Variants in EIF2A observed in about 807,000 individuals in gnomAD.
EIF2A encodes eukaryotic translation initiation factor 2A.
Under a neutral mutation model 75.2 loss-of-function variants are expected in EIF2A, and 62 were observed. The ratio of observed to expected loss-of-function variants is 0.82; its 90% CI spans 0.67 to 1.02. The LOEUF (loss-of-function observed/expected upper bound fraction) is 1.02, where lower values mean the gene tolerates loss of function less well. EIF2A is among the 50% of genes least tolerant of loss of function. The probability of loss-of-function intolerance (pLI) is 0.00; values close to 1 mark genes in which losing one functional copy is unlikely to be tolerated. For synonymous variants in EIF2A, 207 were observed against 239.0 expected, an observed-to-expected ratio of 0.87 and a Z score of 1.23; for missense variants, 611 against 677.7, an observed-to-expected ratio of 0.90 and a Z score of 1.09.
At position 150,572,477 on chromosome 3, in the gene EIF2A, C is replaced by T. The variant is rs779611856; in HGVS notation, c.1331C>T (p.Thr444Ile). The change falls in exon 10 of 14, where the codon ACA becomes ATA. Residue 444 changes from threonine (T) to isoleucine (I), a missense_variant. Physicochemically the swap from Thr to Ile is moderately conservative, Grantham distance 89 (BLOSUM62 -1). Coordinates refer to ENST00000460851, the MANE Select transcript of EIF2A (RefSeq NM_032025.5). ...CCCAATGAGGAACCTAAAGTTGCAACAGCTTATAGACCCCCAGCTTTAAGA... is the reference window on the plus strand; with the variant it reads ...CCCAATGAGGAACCTAAAGTTGCAATAGCTTATAGACCCCCAGCTTTAAGA... The part of the protein sequence containing the change: ...EVPNEEPKVA[T>I]AYRPPALRNK... 10 of 1,613,926 alleles carry T rather than the reference C, an allele frequency of 6.2e-6. No homozygotes were observed. The South Asian group carries it at 9.9e-5, about 16-fold the overall frequency.
rs781322944 is a variant in EIF2A, at chr3:150,572,291, G to A, written c.1145G>A (p.Arg382Gln). Residue 382 changes from arginine (R) to glutamine (Q), a missense_variant, in exon 10 of 14, where the codon CGG (arginine) becomes CAG (glutamine). By Grantham distance (43) the Arg-to-Gln change is conservative. Transcript: ENST00000460851. Reference sequence around the variant, plus strand: ...ACAGCTACATGTGCTCCCAGGTTACGGGTTAATAATGGATACAAAATTTGG... The same window carrying A: ...ACAGCTACATGTGCTCCCAGGTTACAGGTTAATAATGGATACAAAATTTGG... ...ILTATCAPRL[R>Q]VNNGYKIWHY... 1.2e-5 allele frequency: 20 copies of A among 1,613,698 alleles called. No individual in the cohort carries two copies. The highest frequency in any genetic ancestry group is 2.7e-5 in the African/African-American group (2 of 74,886).
rs535050609 is a variant in EIF2A, at chr3:150,548,125, C to T, written c.28+1295C>T. Among the ~76,000 whole-genome samples the T allele has an allele frequency of 8.6e-4, 131 of 152,162 alleles. 1 individual carries two copies. Among genetic ancestry groups the T allele is most frequent in the South Asian group, 2.3e-3 (11 of 4,830 alleles). ...AATTGCTCTTGAGACTCATTTATTT[C>T]CTTGCCATCCCATCTTATTTGGTGC... On this transcript the variant is annotated intron_variant, in intron 1 of 13. Coordinates refer to ENST00000460851, the MANE Select transcript of EIF2A (RefSeq NM_032025.5).
chr3:150,557,402 T>G (rs1484459232), intron 2 of EIF2A, among the ~76,000 whole-genome samples: 5 of 152,018 alleles, frequency 3.3e-5, no homozygotes, highest in Admixed American at 1.3e-4. Flanking sequence ...TGGGAAAGAT[T>G]TTTTTTATTT....
intron 1 of EIF2A, among the ~76,000 whole-genome samples, chr3:150,548,439 A>T (rs1183378018): frequency 2.6e-5 from 4 of 152,158 alleles, no homozygotes; most frequent in Non-Finnish European, 4.4e-5. Flanking sequence ...TGAGTCCTTC[A>T]ATGTCAGCGA....
chr3:150,572,172 AGT>A lies in EIF2A; in HGVS notation c.1030_1031del (p.Trp344GlyfsTer10). On this transcript the variant is annotated frameshift_variant, in exon 10 of 14. Transcript: ENST00000460851. LOFTEE classifies it high-confidence loss of function. ...GFGNLRGQME[V>X]WDVKNYKLIS... ...TTGGAAATCTGAGGGGACAAATGGA[AGT>A]GTGGGATGTGAAAAACTACAAACTT... The A allele has an allele frequency of 6.2e-7, 1 of 1,613,942 alleles. No individual in the cohort carries two copies.
At chr3:150,562,016 C>T (rs565683258) in intron 3 of EIF2A, among the ~76,000 whole-genome samples, 1 of 152,102 alleles carries the variant, frequency 6.6e-6, no homozygotes, top group Non-Finnish European at 1.5e-5. Flanking sequence ...ACCTCGACCT[C>T]CCAAAGTGCT....
intron 9 of EIF2A, among the ~76,000 whole-genome samples, chr3:150,568,992 A>T (rs140345094): frequency 4.6e-5 from 7 of 152,370 alleles, no homozygotes; most frequent in Admixed American, 2.0e-4. Flanking sequence ...AATAGTTTTA[A>T]AATACTGATA....
chr3:150,566,967 GTGTTTGAGGCGCACTGTCACCTCAC>G (rs1178566700), intron 6 of EIF2A: 1 of 152,136 alleles, frequency 6.6e-6, no homozygotes, highest in African/African-American at 2.4e-5. Context: ...TTATTTTCCT[GTGTTTGAGGCGCACTGTCACCTCAC>G]TGTTTCTGGG....
intron 11 of EIF2A, among the ~76,000 whole-genome samples, chr3:150,578,902 T>G (rs1269525917): frequency 6.6e-6 from 1 of 152,210 alleles, no homozygotes; most frequent in Non-Finnish European, 1.5e-5. Flanking sequence ...TTTTGTAAAC[T>G]GGTGATAATT....
chr3:150,564,001 T>TA (rs970504022), intron 5 of EIF2A, among the ~76,000 whole-genome samples: 1 of 152,034 alleles, frequency 6.6e-6, no homozygotes, highest in African/African-American at 2.4e-5. Context: ...GTATTTTTAG[T>TA]AGAGATGGGG....
chr3:150,575,326 A>G (rs1037447008), intron 10 of EIF2A, among the ~76,000 whole-genome samples: 3 of 152,246 alleles, frequency 2.0e-5, no homozygotes, highest in African/African-American at 7.2e-5. Flanking sequence ...AAAAGGCCTC[A>G]GAAGAAGCTG....
At chr3:150,567,273 A>C (rs1423400467) in intron 6 of EIF2A, 5 of 155,442 alleles carry the variant, frequency 3.2e-5, no homozygotes, top group African/African-American at 1.2e-4. Context: ...TTATCACATT[A>C]AGTTACAGAA....
intron 1 of EIF2A, among the ~76,000 whole-genome samples, chr3:150,549,451 C>T (rs533707864): frequency 6.6e-6 from 1 of 152,206 alleles, no homozygotes; most frequent in South Asian, 2.1e-4. Context: ...CGCCTGTCCT[C>T]GGGTGAGCCA....
chr3:150,558,090 T>G (rs946533302), intron 2 of EIF2A, among the ~76,000 whole-genome samples: 9 of 152,244 alleles, frequency 5.9e-5, no homozygotes, highest in Admixed American at 5.2e-4. Context: ...TGTTATACTT[T>G]CTATCTCTAC....
intron 3 of EIF2A, among the ~76,000 whole-genome samples, chr3:150,562,036 G>C (rs1440300800): frequency 6.6e-6 from 1 of 152,034 alleles, no homozygotes. Flanking sequence ...TGGGATTACA[G>C]GTGTGAGCGA....
chr3:150,571,335 T>C (rs1405808015), intron 9 of EIF2A, among the ~76,000 whole-genome samples: 2 of 152,124 alleles, frequency 1.3e-5, no homozygotes, highest in Non-Finnish European at 2.9e-5. Flanking sequence ...AGGTGGGGTT[T>C]CATCATGTTG....
chr3:150,582,306 T>TTTTAA (rs201930180), intron 12 of EIF2A, among the ~76,000 whole-genome samples: 2 of 146,118 alleles, frequency 1.4e-5, no homozygotes, highest in Admixed American at 7.1e-5. Flanking sequence ...ACTGAACACT[T>TTTTAA]TTTAATTTAA....
At chr3:150,582,990 G>A (rs749084340) in intron 12 of EIF2A, 3 of 525,550 alleles carry the variant, frequency 5.7e-6, no homozygotes, top group Non-Finnish European at 3.4e-6. Context: ...AAAAGCCTGA[G>A]AATAATATTT....
chr3:150,578,317 T>C (rs146021281), intron 11 of EIF2A, among the ~76,000 whole-genome samples: 1,879 of 148,506 alleles, frequency 0.013, 26 homozygotes, highest in Middle Eastern at 0.021. Flanking sequence ...TTAATTAATA[T>C]ACTAAATTAT....
Sources: gnomAD v4.1 joint callset for allele counts (sites outside exome capture counted in the v4.1 genomes callset) on GRCh38, gnomAD v4.1.1 for gene constraint, MANE v1.5 for transcripts, NCBI Gene and HGNC (gene_info 2026-07-23, HGNC 2026-07-21) for gene names.